The following PDIA3 variants were observed in gnomAD, a reference collection of about 807,000 sequenced individuals.
PDIA3 encodes the protein protein disulfide-isomerase A3.
In PDIA3, 16 loss-of-function variants were observed where a neutral mutation model predicts 56.9. The ratio of observed to expected loss-of-function variants is 0.28; its 90% CI spans 0.19 to 0.43. The LOEUF (loss-of-function observed/expected upper bound fraction) is 0.43, where lower values mean the gene tolerates loss of function less well. Among genes scored for constraint, PDIA3 ranks in the 20% least tolerant of loss-of-function variants. PDIA3 has a pLI of 1.00. For synonymous variants in PDIA3, 192 were observed against 216.5 expected (o/e 0.89, Z 0.99); for missense variants, 485 against 621.3 (o/e 0.78, Z 2.33).
At chr15:43,754,175 C>A (rs994988587) in intron 2 of PDIA3, among the ~76,000 whole-genome samples, 9 of 151,888 alleles carry the variant, frequency 5.9e-5, no homozygotes, top group Non-Finnish European at 1.2e-4. Flanking sequence ...GTGGGTGGAT[C>A]ACGAAGTCAA....
At chr15:43,766,084 G>T in intron 7 of PDIA3, 72 bp downstream of exon 7, 1 of 1,190,290 alleles carries the variant, frequency 8.4e-7, no homozygotes, top group Non-Finnish European at 1.2e-6. Flanking sequence ...TAACTATCTT[G>T]TTGGTTCCTT....
chr15:43,748,358 A>G (rs1434289540), intron 1 of PDIA3, among the ~76,000 whole-genome samples: 2 of 152,106 alleles, frequency 1.3e-5, no homozygotes, highest in Non-Finnish European at 2.9e-5. Context: ...CATGCCTGTA[A>G]TCCCAGCTAC....
At chr15:43,765,768 A>T in intron 6 of PDIA3, 119 bp from the exon 7 acceptor site, 2 of 1,122,200 alleles carry the variant, frequency 1.8e-6, no homozygotes, top group Non-Finnish European at 2.6e-6. Flanking sequence ...ATTGCTCAGT[A>T]CTTGTTCTAA....
Position 43,765,486 on chromosome 15 carries a change from C to A in PDIA3, c.639C>A (p.Asn213Lys), listed in dbSNP as rs1468546295. The A allele has an allele frequency of 1.2e-6, 2 of 1,609,230 alleles. No homozygotes were observed. The highest frequency in any genetic ancestry group is 1.7e-6 in the Non-Finnish European group (2 of 1,176,624). Residue 213 changes from asparagine to lysine, a missense_variant, in exon 6 of 13, where the codon AAC (asparagine) becomes AAA (lysine). By Grantham distance (94) the Asn-to-Lys change is moderately conservative (BLOSUM62 0). Coordinates refer to ENST00000300289, the MANE Select transcript of PDIA3 (RefSeq NM_005313.5). ...IILFRPSHLT[N>K]KFEDKTVAYT... ...TATTTCGTCCTTCACATCTCACTAA[C>A]AAGTTTGAGGACAAGACTGTGGCAT...
intron 5 of PDIA3, among the ~76,000 whole-genome samples, chr15:43,763,573 T>C (rs2086830744): frequency 6.6e-6 from 1 of 152,154 alleles, no homozygotes; most frequent in Admixed American, 6.6e-5. Context: ...TTTTTATACC[T>C]AATTTTTCCC....
Position 43,770,567 on chromosome 15 carries a change from CAAAG to C in PDIA3, c.1395_1398del (p.Lys465AsnfsTer8). 6.2e-7 allele frequency: 1 copy of C among 1,608,762 alleles called. No homozygotes were observed. The highest frequency in any genetic ancestry group is 8.5e-7 in the Non-Finnish European group (1 of 1,175,142). On this transcript the variant is annotated frameshift_variant, in exon 12 of 13. Transcript: ENST00000300289. LOFTEE classifies it high-confidence loss of function. ...TCTCCAGCCAACAAGAAGCTAAATC[CAAAG>C]AAATATGAAGTAAGTGAATTGTCCC...
rs376032140 is a variant in PDIA3, at chr15:43,771,193, A to G, written c.1493A>G (p.Lys498Arg). 16 of 1,611,324 alleles carry G rather than the reference A, an allele frequency of 9.9e-6. No homozygotes were observed. The highest frequency in any genetic ancestry group is 1.3e-5 in the Non-Finnish European group (15 of 1,179,058). Residue 498 changes from lysine (K) to arginine (R), a missense_variant, in exon 13 of 13, where the codon AAG (lysine) becomes AGG (arginine). Lys to Arg is a conservative substitution (Grantham distance 26, BLOSUM62 2). Coordinates refer to ENST00000300289, the MANE Select transcript of PDIA3 (RefSeq NM_005313.5). ...ATTCAAGAAGAAAAACCCAAGAAGA[A>G]GAAGAAGGCACAGGAGGATCTCTAA... ...PVIQEEKPKK[K>R]KKAQEDL
At chr15:43,753,595 G>A (rs2086758356) in intron 1 of PDIA3, among the ~76,000 whole-genome samples, 1 of 152,190 alleles carries the variant, frequency 6.6e-6, no homozygotes, top group African/African-American at 2.4e-5. Flanking sequence ...GCTGCCCTGT[G>A]CTGAGCCAGT....
At chr15:43,765,864 G>T in intron 6 of PDIA3, 23 bp from the exon 7 acceptor site, 1 of 1,596,536 alleles carries the variant, frequency 6.3e-7, no homozygotes. Flanking sequence ...CAAGCCAGTT[G>T]ATAATGGATT....
At chr15:43,751,475 A>G in intron 1 of PDIA3, 1 of 621,112 alleles carries the variant, frequency 1.6e-6, no homozygotes, top group Admixed American at 2.6e-5. Context: ...CTGAGGATAG[A>G]TAGAATTAAT....
chr15:43,761,257 A>C (rs1028996240), intron 3 of PDIA3, among the ~76,000 whole-genome samples, 167 bp from the exon 4 acceptor site: 3 of 151,950 alleles, frequency 2.0e-5, no homozygotes, highest in South Asian at 2.1e-4. Flanking sequence ...AAAAAAAAAA[A>C]AAACCTGAAA....
rs1226394375 is a variant in PDIA3, at chr15:43,765,533, G to C, written c.686G>C (p.Ser229Thr). The change falls in exon 6 of 13, where the codon AGT becomes ACT. Residue 229 changes from serine to threonine, a missense_variant. Coordinates refer to ENST00000300289, the MANE Select transcript of PDIA3 (RefSeq NM_005313.5). Reference sequence around the variant, plus strand: ...GCATATACAGAGCAAAAAATGACCAGTGGCAAAATTAAAAAGTTTATCCAG... The same window carrying C: ...GCATATACAGAGCAAAAAATGACCACTGGCAAAATTAAAAAGTTTATCCAG... ...TVAYTEQKMT[S>T]GKIKKFIQEN... The C allele has an allele frequency of 1.2e-6, 2 of 1,609,338 alleles. No homozygotes were observed. The highest frequency in any genetic ancestry group is 1.3e-5 in the African/African-American group (1 of 74,746).
intron 6 of PDIA3, 130 bp from the exon 7 acceptor site, chr15:43,765,757 T>C: frequency 1.0e-6 from 1 of 995,782 alleles, no homozygotes; most frequent in Non-Finnish European, 1.5e-6. Flanking sequence ...GTAAGGTATA[T>C]ATTGCTCAGT....
rs1596024063 is a variant in PDIA3, at chr15:43,765,358, G to A, written c.603-92G>A. Reference sequence around the variant, plus strand: ...ATCACACCATTGCACTCCAGCCTGAGCAACAGAGCGAAACCCTATCTCAAA... The same window carrying A: ...ATCACACCATTGCACTCCAGCCTGAACAACAGAGCGAAACCCTATCTCAAA... On this transcript the variant is annotated intron_variant, in intron 5 of 12. Coordinates refer to ENST00000300289, the MANE Select transcript of PDIA3 (RefSeq NM_005313.5). 3 of 770,366 alleles carry A rather than the reference G, an allele frequency of 3.9e-6. No homozygotes were observed. The East Asian group carries it at 7.3e-5, about 19-fold the overall frequency. The allele number at this position is 770,366 out of a possible 1,614,324, so 47.7% of individuals were successfully genotyped here.
chr15:43,759,086 C>T (rs1367900078), intron 3 of PDIA3, among the ~76,000 whole-genome samples: 1 of 151,976 alleles, frequency 6.6e-6, no homozygotes, highest in Non-Finnish European at 1.5e-5. Context: ...GTCAGGAGAG[C>T]GAGACCATCC....
intron 3 of PDIA3, 29 bp downstream of exon 3, chr15:43,756,795 CTG>C (rs1567156426): frequency 8.4e-7 from 1 of 1,185,122 alleles, no homozygotes; most frequent in East Asian, 2.3e-5. Context: ...ATTCTGGAAA[CTG>C]ATGTTAAGTA....
chr15:43,768,106 AC>A (rs1353964763), intron 8 of PDIA3, among the ~76,000 whole-genome samples: 1 of 152,132 alleles, frequency 6.6e-6, no homozygotes, highest in Admixed American at 6.6e-5. Flanking sequence ...AGATCTGAAG[AC>A]CCCGGAAACA....
chr15:43,746,474 C>G lies in PDIA3; in HGVS notation c.-66C>G. 1 of 1,384,352 alleles carries G rather than the reference C, an allele frequency of 7.2e-7. No homozygotes were observed. The highest frequency in any genetic ancestry group is 9.5e-7 in the Non-Finnish European group (1 of 1,051,748). 85.8% of individuals were successfully genotyped at this position (1,384,352 alleles called of 1,614,324 possible). ...CGCAAGCAGCGGGTTAGTGGTCGCG[C>G]GCCCGACCTCCGCAGTCCCAGCCGA... On this transcript the variant is annotated 5_prime_UTR_variant, in exon 1 of 13. Coordinates refer to ENST00000300289, the MANE Select transcript of PDIA3 (RefSeq NM_005313.5).
intron 8 of PDIA3, among the ~76,000 whole-genome samples, 173 bp from the exon 9 acceptor site, chr15:43,768,316 A>T (rs575718090): frequency 1.3e-5 from 2 of 152,388 alleles, no homozygotes; most frequent in Admixed American, 6.5e-5. Context: ...CACACTAGAA[A>T]TAAAAGGAAC....
Sources: allele counts gnomAD v4.1 joint callset (sites outside exome capture counted in the v4.1 genomes callset), GRCh38; gene constraint gnomAD v4.1.1; transcripts MANE v1.5; gene names NCBI Gene and HGNC (gene_info 2026-07-23, HGNC 2026-07-21).